HS3ST3A1: variants seen among roughly 807,000 people sequenced by gnomAD.
HS3ST3A1 encodes the protein heparan sulfate glucosamine 3-O-sulfotransferase 3A1.
In HS3ST3A1, 19 loss-of-function variants were observed where a neutral mutation model predicts 25.7. The ratio of observed to expected loss-of-function variants is 0.74; its 90% CI spans 0.52 to 1.08. HS3ST3A1 has a LOEUF of 1.08. HS3ST3A1 is among the 50% of genes least tolerant of loss of function. HS3ST3A1 has a pLI of 0.00. For synonymous variants in HS3ST3A1, 226 were observed against 278.6 expected, an observed-to-expected ratio of 0.81 and a Z score of 1.88; for missense variants, 459 against 594.3, an observed-to-expected ratio of 0.77 and a Z score of 2.37.
At chr17:13,514,546 T>C (rs1326789083) in intron 1 of HS3ST3A1, among the ~76,000 whole-genome samples, 1 of 152,234 alleles carries the variant, frequency 6.6e-6, no homozygotes, top group Non-Finnish European at 1.5e-5. Context: ...GGAGTTTTGA[T>C]ACTGTTCTAT....
intron 1 of HS3ST3A1, among the ~76,000 whole-genome samples, chr17:13,541,582 C>T (rs913131103): frequency 4.6e-5 from 7 of 152,148 alleles, no homozygotes; most frequent in Non-Finnish European, 1.5e-5. Context: ...GGTGGTTATT[C>T]CAATTTTACA....
chr17:13,547,016 C>T (rs937977799), intron 1 of HS3ST3A1, among the ~76,000 whole-genome samples: 8 of 152,212 alleles, frequency 5.3e-5, no homozygotes, highest in African/African-American at 1.9e-4. Flanking sequence ...TTTGCAGTTG[C>T]CTAGGAACCC....
intron 1 of HS3ST3A1, among the ~76,000 whole-genome samples, chr17:13,552,371 G>T (rs959228195): frequency 6.6e-6 from 1 of 152,150 alleles, no homozygotes; most frequent in African/African-American, 2.4e-5. Context: ...GTGAGCCACC[G>T]CACCTGGCCG....
chr17:13,570,356 T>C (rs1339669947), intron 1 of HS3ST3A1, among the ~76,000 whole-genome samples: 1 of 151,352 alleles, frequency 6.6e-6, no homozygotes, highest in Non-Finnish European at 1.5e-5. Flanking sequence ...AAAAGAATAT[T>C]GGATGCTTAG....
chr17:13,578,380 C>G (rs1178364264), intron 1 of HS3ST3A1, among the ~76,000 whole-genome samples: 7 of 134,654 alleles, frequency 5.2e-5, no homozygotes, highest in African/African-American at 2.0e-4. Flanking sequence ...AAATCCCCGT[C>G]TCTACAAAAA....
At chr17:13,536,649 T>C (rs1218355193) in intron 1 of HS3ST3A1, among the ~76,000 whole-genome samples, 1 of 152,238 alleles carries the variant, frequency 6.6e-6, no homozygotes, top group Non-Finnish European at 1.5e-5. Flanking sequence ...CACTTCCAGT[T>C]GGCTTCTCTT....
intron 1 of HS3ST3A1, among the ~76,000 whole-genome samples, chr17:13,527,778 C>T (rs779227947): frequency 3.4e-4 from 52 of 152,164 alleles, no homozygotes; most frequent in Non-Finnish European, 6.5e-4. Flanking sequence ...ATGGCTGCAG[C>T]GGATCTGGCT....
chr17:13,565,027 T>C (rs1394279620), intron 1 of HS3ST3A1, among the ~76,000 whole-genome samples: 3 of 152,130 alleles, frequency 2.0e-5, no homozygotes, highest in Admixed American at 1.3e-4. Flanking sequence ...TGGATGAAAT[T>C]TGGACTTGTT....
At chr17:13,512,317 A>AAAAAAAAAAAAAAAAAAAAAC (rs1905897654) in intron 1 of HS3ST3A1, among the ~76,000 whole-genome samples, 1 of 150,916 alleles carries the variant, frequency 6.6e-6, no homozygotes, top group African/African-American at 2.5e-5. Context: ...AAAAAAAAAA[A>AAAAAAAAAAAAAAAAAAAAAC]AAAAAAAAAA....
intron 1 of HS3ST3A1, among the ~76,000 whole-genome samples, chr17:13,507,069 C>CAA (rs112172600): frequency 9.8e-5 from 9 of 92,064 alleles, no homozygotes; most frequent in Non-Finnish European, 1.7e-4. Context: ...ACTCCGTCTC[C>CAA]AAAAAAAAAA....
intron 1 of HS3ST3A1, among the ~76,000 whole-genome samples, chr17:13,516,575 C>T (rs924642895): frequency 1.3e-5 from 2 of 152,168 alleles, no homozygotes; most frequent in African/African-American, 2.4e-5. Flanking sequence ...AAGCTTTTAA[C>T]AGGCAAGTTG....
At chr17:13,592,157 G>C (rs527247317) in intron 1 of HS3ST3A1, among the ~76,000 whole-genome samples, 1 of 152,304 alleles carries the variant, frequency 6.6e-6, no homozygotes, top group South Asian at 2.1e-4. Flanking sequence ...GTGAGGCTCT[G>C]GCATGCTGGA....
At chr17:13,582,309 T>C (rs1181680166) in intron 1 of HS3ST3A1, among the ~76,000 whole-genome samples, 1 of 152,344 alleles carries the variant, frequency 6.6e-6, no homozygotes, top group East Asian at 1.9e-4. Context: ...GCAATTCTGA[T>C]AATAGGCATA....
At chr17:13,537,293 T>C (rs2142339484) in intron 1 of HS3ST3A1, among the ~76,000 whole-genome samples, 1 of 152,376 alleles carries the variant, frequency 6.6e-6, no homozygotes, top group Middle Eastern at 3.4e-3. Flanking sequence ...AGCTGCATCG[T>C]GTGGCATATT....
In HS3ST3A1 at chr17:13,505,665, A is replaced by G. The variant is rs1186915247; in HGVS notation, c.600-8847T>C. The stretch of plus-strand genomic sequence containing the variant: ...CATCTTCAAAAAAAAAAGGCGGAAA[A>G]GAATAAAAATTTTATTAAAGTGAAC... On this transcript the variant is annotated intron_variant, in intron 1 of 1. Transcript: ENST00000284110. Among the ~76,000 whole-genome samples, 3 of 151,984 alleles carry G rather than the reference A, an allele frequency of 2.0e-5. No individual in the cohort carries two copies. In the South Asian group the frequency reaches 6.2e-4, roughly 32 times the overall value.
chr17:13,570,884 A>T (rs1431516278), intron 1 of HS3ST3A1, among the ~76,000 whole-genome samples: 1 of 152,196 alleles, frequency 6.6e-6, no homozygotes, highest in Non-Finnish European at 1.5e-5. Flanking sequence ...TTTAATCACA[A>T]CAACCCTTTC....
chr17:13,563,955 AATT>A (rs1317511979), intron 1 of HS3ST3A1, among the ~76,000 whole-genome samples: 1 of 152,194 alleles, frequency 6.6e-6, no homozygotes, highest in Non-Finnish European at 1.5e-5. Flanking sequence ...ATTTCTTATT[AATT>A]ATTATTGAAT....
intron 1 of HS3ST3A1, among the ~76,000 whole-genome samples, chr17:13,546,512 C>T (rs979537206): frequency 2.6e-5 from 4 of 152,164 alleles, no homozygotes; most frequent in Non-Finnish European, 4.4e-5. Flanking sequence ...GTGATCTACC[C>T]GCCTCGGCCT....
chr17:13,498,785 T>C (rs1905363645), intron 1 of HS3ST3A1, among the ~76,000 whole-genome samples: 1 of 152,226 alleles, frequency 6.6e-6, no homozygotes, highest in African/African-American at 2.4e-5. Context: ...ATTTCCTCTG[T>C]ATCTTTGGGT....
Sources: gnomAD v4.1 joint callset for allele counts (sites outside exome capture counted in the v4.1 genomes callset) on GRCh38, gnomAD v4.1.1 for gene constraint, MANE v1.5 for transcripts, NCBI Gene and HGNC (gene_info 2026-07-23, HGNC 2026-07-21) for gene names.